ZNF487: variants seen among roughly 807,000 people sequenced by gnomAD.
ZNF487 encodes the protein KRAB domain only 1.
ZNF487 carries 4 observed loss-of-function variants against 3.0 expected under a neutral mutation model. The observed-to-expected ratio is 1.35, with a 90% confidence interval of 0.66 to 3.08. ZNF487 has a LOEUF of 3.08. Among genes scored for constraint, ZNF487 ranks in the 30% most tolerant of loss-of-function variants. The probability of loss-of-function intolerance (pLI) is 0.01; values close to 1 mark genes in which losing one functional copy is unlikely to be tolerated. For synonymous variants in ZNF487, 55 were observed against 34.6 expected (o/e 1.59, Z -2.06); for missense variants, 146 against 98.7 (o/e 1.48, Z -2.03).
intron 3 of ZNF487, among the ~76,000 whole-genome samples, chr10:43,477,809 G>A (rs1053912842): frequency 2.6e-5 from 4 of 151,924 alleles, no homozygotes; most frequent in South Asian, 2.1e-4. Context: ...AAAATTAGCC[G>A]GGTGTGGTGG....
the ZNF487 span, among the ~76,000 whole-genome samples, chr10:43,521,461 C>T: frequency 6.8e-4 from 104 of 152,168 alleles, no homozygotes; most frequent in African/African-American, 2.3e-3. Flanking sequence ...CCAGCAAAAC[C>T]CACAAAACTG....
At chr10:43,495,994 G>A in the ZNF487 span, 1 of 527,090 alleles carries the variant, frequency 1.9e-6, no homozygotes. Flanking sequence ...ACTGTAAAAT[G>A]AACACAGATG....
In ZNF487 at chr10:43,450,352, T is replaced by C. The variant is rs566048646; in HGVS notation, c.-94+13090T>C. ...TGTGAGCCACCAAGCCCGGCCTCTT[T>C]TTTGCTTTGTTTTTTTTTGAGACGG... On this transcript the variant is annotated intron_variant, in intron 1 of 3. Transcript: ENST00000437590. Among the ~76,000 whole-genome samples the C allele has an allele frequency of 2.3e-4, 34 of 145,300 alleles. No individual in the cohort carries two copies. In the South Asian group the frequency reaches 7.4e-3, roughly 32 times the overall value.
At chr10:43,498,097 ATATTTTTTTTTTTTTTCTTTTTTT>A in the ZNF487 span, among the ~76,000 whole-genome samples, 17 of 10,040 alleles carry the variant, frequency 1.7e-3, no homozygotes, top group South Asian at 7.4e-3. Flanking sequence ...ATATATATAT[ATATTTTTTTTTTTTTTCTTTTTTT>A]TTTTTTTTTT....
the ZNF487 span, among the ~76,000 whole-genome samples, chr10:43,519,611 G>A: frequency 6.6e-6 from 1 of 152,166 alleles, no homozygotes; most frequent in Non-Finnish European, 1.5e-5. Context: ...GGGACTACAG[G>A]TGCCCGCCAC....
intron 1 of ZNF487, among the ~76,000 whole-genome samples, chr10:43,456,480 C>T (rs1015322804): frequency 1.3e-5 from 2 of 152,128 alleles, no homozygotes; most frequent in South Asian, 4.1e-4. Context: ...GTGAGCTGGG[C>T]CTAAGGCTAG....
At chr10:43,483,535 CT>C (rs71016775), downstream of ZNF487, among the ~76,000 whole-genome samples, 135,034 of 151,198 alleles carry the variant, frequency 0.89, 60,309 homozygotes, top group East Asian at 1. Context: ...CCCAGCCCTT[CT>C]TTTTTTTTTG....
At chr10:43,439,685 C>CA (rs772276158) in intron 1 of ZNF487, among the ~76,000 whole-genome samples, 7 of 152,044 alleles carry the variant, frequency 4.6e-5, no homozygotes, top group Non-Finnish European at 7.3e-5. Flanking sequence ...GCCTGGGTGA[C>CA]AGAGTGAGAC....
the ZNF487 span, among the ~76,000 whole-genome samples, chr10:43,496,588 G>T: frequency 6.6e-6 from 1 of 152,190 alleles, no homozygotes; most frequent in African/African-American, 2.4e-5. Flanking sequence ...TGTCCATTCA[G>T]GTGTCTGCTC....
At chr10:43,455,481 GC>G (rs1285451829) in intron 1 of ZNF487, among the ~76,000 whole-genome samples, 2 of 152,258 alleles carry the variant, frequency 1.3e-5, no homozygotes, top group Non-Finnish European at 2.9e-5. Flanking sequence ...TTCCATGCCT[GC>G]CGTGCAGGCG....
At chr10:43,460,479 G>A (rs1358963179) in intron 1 of ZNF487, among the ~76,000 whole-genome samples, 5 of 149,168 alleles carry the variant, frequency 3.4e-5, no homozygotes, top group African/African-American at 7.4e-5. Context: ...GGGTTCAAGC[G>A]ATTCTCATAC....
the ZNF487 span, among the ~76,000 whole-genome samples, chr10:43,522,894 AT>A: frequency 1.3e-5 from 2 of 151,908 alleles, no homozygotes; most frequent in South Asian, 2.1e-4. Context: ...CTATCACCTG[AT>A]TTTTTTTCTG....
the ZNF487 span, among the ~76,000 whole-genome samples, chr10:43,503,885 G>A: frequency 6.6e-6 from 1 of 152,148 alleles, no homozygotes; most frequent in Non-Finnish European, 1.5e-5. Flanking sequence ...TGGGATTACA[G>A]GTGTGAGCCA....
Position 43,482,257 on chromosome 10 carries a change from G to GT in ZNF487, c.*336dup. The stretch of plus-strand genomic sequence containing the variant: ...GAAAGAATGCCTATAAAATTAATCA[G>GT]TATGCTAGTACATTTTGCTGTAAGC... On this transcript the variant is annotated 3_prime_UTR_variant, in exon 4 of 4. Transcript: ENST00000437590. The GT allele has an allele frequency of 2.5e-6, 1 of 402,716 alleles. No homozygotes were observed. The highest frequency in any genetic ancestry group is 2.1e-5 in the South Asian group (1 of 46,694). 24.9% of individuals were successfully genotyped at this position (402,716 alleles called of 1,614,324 possible). A position where few individuals can be genotyped will look rare whatever the true frequency, so the allele number is the denominator to read the frequency against.
intron 1 of ZNF487, among the ~76,000 whole-genome samples, chr10:43,460,096 C>G (rs1206441243): frequency 6.6e-6 from 1 of 151,810 alleles, no homozygotes; most frequent in East Asian, 1.9e-4. Flanking sequence ...GCCACCGTGC[C>G]CGGCCGTTGA....
In ZNF487 at chr10:43,481,696, G is replaced by A. The variant is rs1286460313; in HGVS notation, c.398G>A (p.Arg133His). Residue 133 changes from arginine (R) to histidine (H), a missense_variant, in exon 4 of 4, where the codon CGT becomes CAT. Arg to His is a conservative substitution (Grantham distance 29). Transcript: ENST00000437590. Reference protein sequence around the residue: ...FVRNPAECNVRGKFLLCMKRE... With the variant: ...FVRNPAECNVHGKFLLCMKRE... ...AGGAACCCTGCTGAGTGTAATGTAC[G>A]TGGGAAATTTCTCCTCTGTATGAAG... 9 of 712,478 alleles carry A rather than the reference G, an allele frequency of 1.3e-5. No individual in the cohort carries two copies. Among genetic ancestry groups the A allele is most frequent in the African/African-American group, 3.5e-5 (2 of 57,010 alleles). 44.1% of individuals were successfully genotyped at this position (712,478 alleles called of 1,614,324 possible).
At chr10:43,437,891 ATG>A (rs1210785951) in intron 1 of ZNF487, among the ~76,000 whole-genome samples, 1 of 151,872 alleles carries the variant, frequency 6.6e-6, no homozygotes, top group Admixed American at 6.6e-5. Context: ...GGGTATCACT[ATG>A]TTGCTCAGGC....
At chr10:43,481,312 G>A in intron 3 of ZNF487, 117 bp from the exon 4 acceptor site, 1 of 605,348 alleles carries the variant, frequency 1.7e-6, no homozygotes, top group Non-Finnish European at 2.9e-6. Context: ...CAGCCTGGGT[G>A]ACAGAGCCAG....
the ZNF487 span, among the ~76,000 whole-genome samples, chr10:43,498,093 A>ATTTTTTTTTTT: frequency 7.5e-5 from 1 of 13,268 alleles, no homozygotes; most frequent in Non-Finnish European, 1.4e-4. Context: ...ATATATATAT[A>ATTTTTTTTTTT]TATATATTTT....
Sources: gnomAD v4.1 joint callset for allele counts (sites outside exome capture counted in the v4.1 genomes callset) on GRCh38, gnomAD v4.1.1 for gene constraint, MANE v1.5 for transcripts, NCBI Gene and HGNC (gene_info 2026-07-23, HGNC 2026-07-21) for gene names.